Variants in ZMIZ1 observed in about 807,000 individuals in gnomAD.
ZMIZ1 encodes the protein zinc finger MIZ-type containing 1, also known as zinc finger MIZ domain-containing protein 1.
Under a neutral mutation model 113.9 loss-of-function variants are expected in ZMIZ1, and 17 were observed. The observed-to-expected ratio is 0.15, with a 90% CI of 0.10 to 0.22. The LOEUF is 0.22. ZMIZ1 is among the 10% of genes least tolerant of loss of function. The pLI, the probability that ZMIZ1 is intolerant of heterozygous loss-of-function variation, is 1.00. For missense variants in ZMIZ1, 1,059 were observed against 1,477.8 expected, an observed-to-expected ratio of 0.72 and a Z score of 4.65; for synonymous variants, 607 against 603.1, an observed-to-expected ratio of 1.01 and a Z score of -0.09.
chr10:79,159,215 C>T lies in ZMIZ1; in HGVS notation c.-130-2838C>T, dbSNP rs74665520. On this transcript the variant is annotated intron_variant, in intron 3 of 24. Transcript: ENST00000334512. ...TCCAGCCCCTCGTGGTTTATCCTTGCGGTCTGACCAGGCTGGGAGCAAACG... is the reference window on the plus strand; with the variant it reads ...TCCAGCCCCTCGTGGTTTATCCTTGTGGTCTGACCAGGCTGGGAGCAAACG... 1.7e-3 allele frequency among the ~76,000 whole-genome samples: 255 copies of T among 152,322 alleles called. 1 individual carries two copies. The highest frequency in any genetic ancestry group is 5.9e-3 in the African/African-American group (245 of 41,574).
At chr10:79,185,422 T>C (rs1847311038) in intron 4 of ZMIZ1, among the ~76,000 whole-genome samples, 1 of 152,210 alleles carries the variant, frequency 6.6e-6, no homozygotes, top group African/African-American at 2.4e-5. Flanking sequence ...TGTTTTTTCT[T>C]ATTTATCCTC....
At chr10:79,093,959 T>G (rs1365147639) in intron 1 of ZMIZ1, among the ~76,000 whole-genome samples, 1 of 152,166 alleles carries the variant, frequency 6.6e-6, no homozygotes, top group Admixed American at 6.5e-5. Flanking sequence ...AAGAAGCCAA[T>G]TTGCATTTTG....
intron 3 of ZMIZ1, among the ~76,000 whole-genome samples, chr10:79,144,205 G>GGGACT (rs1845390432): frequency 6.6e-6 from 1 of 152,174 alleles, no homozygotes; most frequent in South Asian, 2.1e-4. Context: ...GACATCAGGC[G>GGGACT]GGACTGGACT....
intron 1 of ZMIZ1, among the ~76,000 whole-genome samples, chr10:79,070,076 C>T (rs1329893534): frequency 7.5e-6 from 1 of 133,862 alleles, no homozygotes; most frequent in Non-Finnish European, 1.6e-5. Flanking sequence ...CCGTCTCCGG[C>T]GGCGGTGGCC....
intron 5 of ZMIZ1, among the ~76,000 whole-genome samples, chr10:79,204,948 A>C (rs1173157769): frequency 6.6e-6 from 1 of 150,486 alleles, no homozygotes; most frequent in Non-Finnish European, 1.5e-5. Flanking sequence ...GCAAGGAGAC[A>C]GATGGATGAA....
At position 79,307,656 on chromosome 10, in the gene ZMIZ1, C is replaced by T. The variant is rs945348993; in HGVS notation, c.2835+85C>T. 18 of 1,456,926 alleles carry T rather than the reference C, an allele frequency of 1.2e-5. No individual in the cohort carries two copies. In the African/African-American group the frequency reaches 2.4e-4, roughly 20 times the overall value. The allele number at this position is 1,456,926 out of a possible 1,614,324, so 90.2% of individuals were successfully genotyped here. On this transcript the variant is annotated intron_variant, in intron 23 of 24. Transcript: ENST00000334512. Reference sequence around the variant, plus strand: ...TCTGGATACCCTGTTCCCTCCCAGGCAAGGCAGAGGATGAAGAATTGGGTG... The same window carrying T: ...TCTGGATACCCTGTTCCCTCCCAGGTAAGGCAGAGGATGAAGAATTGGGTG...
intron 7 of ZMIZ1, among the ~76,000 whole-genome samples, chr10:79,256,028 G>A (rs976536037): frequency 2.6e-5 from 4 of 152,188 alleles, no homozygotes; most frequent in African/African-American, 9.6e-5. Flanking sequence ...GGTGGCAGAG[G>A]GTCCCCACTG....
intron 4 of ZMIZ1, among the ~76,000 whole-genome samples, chr10:79,169,981 C>G (rs756264065): frequency 6.6e-6 from 1 of 152,232 alleles, no homozygotes; most frequent in Admixed American, 6.5e-5. Context: ...TTCTCTTGAG[C>G]TTTCAAGTGG....
intron 6 of ZMIZ1, among the ~76,000 whole-genome samples, chr10:79,210,245 C>CT (rs1302190224): frequency 6.6e-6 from 1 of 152,210 alleles, no homozygotes; most frequent in African/African-American, 2.4e-5. Context: ...CTGACCCTGT[C>CT]TATCTAGGAT....
chr10:79,233,927 A>G (rs73302189), intron 7 of ZMIZ1, among the ~76,000 whole-genome samples: 3,553 of 152,290 alleles, frequency 0.023, 162 homozygotes, highest in African/African-American at 0.082. Context: ...GAAGTTGGGC[A>G]AACCAGAGTG....
intron 12 of ZMIZ1, chr10:79,293,957 T>C (rs1853697372): frequency 2.0e-6 from 1 of 505,166 alleles, no homozygotes; most frequent in Non-Finnish European, 3.6e-6. Flanking sequence ...TTCCTCTTAC[T>C]GTAGTGACTC....
At chr10:79,192,417 C>T (rs951515982) in intron 4 of ZMIZ1, among the ~76,000 whole-genome samples, 2 of 152,234 alleles carry the variant, frequency 1.3e-5, no homozygotes, top group Admixed American at 6.5e-5. Context: ...ATCCCACTAG[C>T]CAGCATTGAC....
intron 7 of ZMIZ1, among the ~76,000 whole-genome samples, chr10:79,246,009 A>G (rs1850172331): frequency 1.3e-5 from 2 of 152,244 alleles, no homozygotes; most frequent in African/African-American, 2.4e-5. Context: ...AGAGCCCACA[A>G]GTGTAACAGT....
At chr10:79,138,297 G>A (rs1232634035) in intron 2 of ZMIZ1, among the ~76,000 whole-genome samples, 1 of 152,220 alleles carries the variant, frequency 6.6e-6, no homozygotes. Flanking sequence ...GGAATGTTCT[G>A]CGCCTCCAGA....
In ZMIZ1 at chr10:79,315,613, C is replaced by T. The variant is rs961145655; in HGVS notation, c.*2864C>T. On this transcript the variant is annotated 3_prime_UTR_variant, in exon 25 of 25. Coordinates refer to ENST00000334512, the MANE Select transcript of ZMIZ1 (RefSeq NM_020338.4). ...GAAGCTTTATCCATGTATCATGTTCCGTGTAGCCATTTTATTTTTTAAGAA... is the reference window on the plus strand; with the variant it reads ...GAAGCTTTATCCATGTATCATGTTCTGTGTAGCCATTTTATTTTTTAAGAA... 6.5e-6 allele frequency: 1 copy of T among 152,754 alleles called. No individual in the cohort carries two copies. Among genetic ancestry groups the T allele is most frequent in the African/African-American group, 2.4e-5 (1 of 41,444 alleles). 9.5% of individuals were successfully genotyped at this position (152,754 alleles called of 1,614,324 possible).
intron 7 of ZMIZ1, among the ~76,000 whole-genome samples, chr10:79,235,353 C>T (rs538183127): frequency 3.9e-5 from 6 of 152,350 alleles, no homozygotes; most frequent in African/African-American, 9.6e-5. Context: ...TTTTCATGGG[C>T]TTGGGAGGTT....
rs548359015 is a variant in ZMIZ1, at chr10:79,209,376, A to C, written c.174+927A>C. ...CAGGCTAAGGAGCTTGCCAGCCAAC[A>C]GGGCCCCATGGAAGTCACTCGAAGC... On this transcript the variant is annotated intron_variant, in intron 6 of 24. Transcript: ENST00000334512. 3.7e-4 allele frequency among the ~76,000 whole-genome samples: 57 copies of C among 152,354 alleles called. No individual in the cohort carries two copies. In the East Asian group the frequency reaches 8.9e-3, roughly 24 times the overall value.
intron 4 of ZMIZ1, among the ~76,000 whole-genome samples, chr10:79,168,419 C>T (rs1418048356): frequency 1.3e-5 from 2 of 152,128 alleles, no homozygotes. Flanking sequence ...TCCTCCAAGC[C>T]AGCCATCTGC....
chr10:79,180,017 C>T (rs978191823), intron 4 of ZMIZ1, among the ~76,000 whole-genome samples: 1 of 152,256 alleles, frequency 6.6e-6, no homozygotes, highest in Non-Finnish European at 1.5e-5. Flanking sequence ...CTCGTTCTGT[C>T]TCCTATCCAC....
Sources: allele counts gnomAD v4.1 joint callset (sites outside exome capture counted in the v4.1 genomes callset), GRCh38; gene constraint gnomAD v4.1.1; transcripts MANE v1.5; gene names NCBI Gene and HGNC (gene_info 2026-07-23, HGNC 2026-07-21).